ACTN4: variants seen among roughly 807,000 people sequenced by gnomAD.
The protein encoded by ACTN4 is actinin alpha 4, also known as alpha-actinin-4.
In ACTN4, 18 loss-of-function variants were observed where a neutral mutation model predicts 114.2. The ratio of observed to expected loss-of-function variants is 0.16; its 90% confidence interval spans 0.11 to 0.23. The LOEUF (loss-of-function observed/expected upper bound fraction) is 0.23. ACTN4 is among the 10% of genes least tolerant of loss of function. The pLI is 1.00. For missense variants in ACTN4, 722 were observed against 1,262.9 expected (o/e 0.57, Z 6.49); for synonymous variants, 515 against 506.3 (o/e 1.02, Z -0.23).
Position 38,662,714 on chromosome 19 carries a change from G to A in ACTN4, c.162+14807G>A, listed in dbSNP as rs538155033. Among the ~76,000 whole-genome samples, 18 of 152,344 alleles carry A rather than the reference G, an allele frequency of 1.2e-4. No individual in the cohort carries two copies. In the South Asian group the frequency reaches 3.7e-3, roughly 32 times the overall value. Reference sequence around the variant, plus strand: ...CCCCACGTTTGGGACACAGCTGTAAGTTTCCATGGTGGGTGGCTTATTATG... The same window carrying A: ...CCCCACGTTTGGGACACAGCTGTAAATTTCCATGGTGGGTGGCTTATTATG... On this transcript the variant is annotated intron_variant, in intron 1 of 20. Coordinates refer to ENST00000252699, the MANE Select transcript of ACTN4 (RefSeq NM_004924.6).
chr19:38,709,390 T>C lies in ACTN4; in HGVS notation c.652-5T>C. ...TTCTTGTTGTCCCCACTTGCCTCCTTCTAGGACGACCCTGTCACCAACCTG... is the reference window on the plus strand; with the variant it reads ...TTCTTGTTGTCCCCACTTGCCTCCTCCTAGGACGACCCTGTCACCAACCTG... On this transcript the variant is annotated splice_polypyrimidine_tract_variant and splice_region_variant and intron_variant, in intron 6 of 20. Transcript: ENST00000252699. 1 of 1,613,376 alleles carries C rather than the reference T, an allele frequency of 6.2e-7. No individual in the cohort carries two copies. Among genetic ancestry groups the C allele is most frequent in the Admixed American group, 1.7e-5 (1 of 60,014 alleles).
intron 1 of ACTN4, among the ~76,000 whole-genome samples, chr19:38,682,313 T>C (rs976038706): frequency 6.6e-6 from 1 of 152,154 alleles, no homozygotes; most frequent in Non-Finnish European, 1.5e-5. Context: ...GTGCTGGGAT[T>C]ACGGGTGTGA....
intron 1 of ACTN4, among the ~76,000 whole-genome samples, chr19:38,677,737 TC>T (rs1328825808): frequency 2.0e-5 from 3 of 152,226 alleles, no homozygotes; most frequent in African/African-American, 7.2e-5. Context: ...GCGATGCTTT[TC>T]TTTTTTTTCT....
At chr19:38,662,141 C>T (rs1976906616) in intron 1 of ACTN4, among the ~76,000 whole-genome samples, 1 of 152,178 alleles carries the variant, frequency 6.6e-6, no homozygotes, top group South Asian at 2.1e-4. Flanking sequence ...TCACTGGAAA[C>T]CAGTCCAGGA....
intron 1 of ACTN4, among the ~76,000 whole-genome samples, chr19:38,658,949 G>GT (rs1424098434): frequency 1.3e-5 from 2 of 152,042 alleles, no homozygotes; most frequent in African/African-American, 4.8e-5. Context: ...ACCCGACACT[G>GT]TGTCTCATGG....
intron 8 of ACTN4, 32 bp downstream of exon 8, chr19:38,710,374 C>T (rs767801564): frequency 1.2e-6 from 2 of 1,604,618 alleles, no homozygotes; most frequent in Admixed American, 3.3e-5. Flanking sequence ...GCCCTCCTCG[C>T]CGCCACCGCG....
chr19:38,674,260 A>C (rs772579029), intron 1 of ACTN4, among the ~76,000 whole-genome samples: 12 of 152,144 alleles, frequency 7.9e-5, no homozygotes, highest in Non-Finnish European at 1.5e-4. Context: ...AGGAGGACCC[A>C]GGGTTGTGGG....
intron 1 of ACTN4, among the ~76,000 whole-genome samples, chr19:38,663,637 C>T (rs1036720249): frequency 5.3e-5 from 8 of 152,220 alleles, no homozygotes; most frequent in Non-Finnish European, 1.5e-5. Context: ...GGGGGTCCGG[C>T]GTGCAATCGA....
intron 1 of ACTN4, among the ~76,000 whole-genome samples, chr19:38,683,004 G>C (rs534975081): frequency 6.6e-6 from 1 of 152,216 alleles, no homozygotes; most frequent in African/African-American, 2.4e-5. Context: ...TAGACTGTAA[G>C]TTGCATGAGG....
At chr19:38,726,233 A>C (rs1189586745) in intron 17 of ACTN4, among the ~76,000 whole-genome samples, 2 of 150,234 alleles carry the variant, frequency 1.3e-5, no homozygotes, top group Non-Finnish European at 3.0e-5. Context: ...GGTTGAGGTG[A>C]GCCGAGGTCA....
Position 38,726,904 on chromosome 19 carries a change from G to A in ACTN4, c.2191-53G>A, listed in dbSNP as rs1321744016. The A allele has an allele frequency of 4.3e-6, 7 of 1,610,574 alleles. No homozygotes were observed. The Admixed American group carries it at 8.3e-5, about 19-fold the overall frequency. The stretch of plus-strand genomic sequence containing the variant: ...CACAGTCCTCCACGTGTGAACCACG[G>A]TGAGGACAGTTCACAGCACCCGGCC... On this transcript the variant is annotated intron_variant, in intron 17 of 20. Transcript: ENST00000252699.
rs1399193238 is a variant in ACTN4, at chr19:38,730,017, C to G, written c.*585C>G. On this transcript the variant is annotated 3_prime_UTR_variant, in exon 21 of 21. Transcript: ENST00000252699. ...AGCTGAGTTGGCAGACCGGGCCCCC[C>G]TGAACCGCACCCCATCCCACCAGCC... The G allele has an allele frequency of 7.8e-6, 2 of 257,064 alleles. No individual in the cohort carries two copies. The highest frequency in any genetic ancestry group is 2.3e-5 in the African/African-American group (1 of 43,722). The allele number at this position is 257,064 out of a possible 1,614,324, so 15.9% of individuals were successfully genotyped here. A position where few individuals can be genotyped will look rare whatever the true frequency, so the allele number is the denominator to read the frequency against.
At chr19:38,697,610 C>T (rs188504415) in intron 1 of ACTN4, among the ~76,000 whole-genome samples, 4 of 152,370 alleles carry the variant, frequency 2.6e-5, no homozygotes, top group Admixed American at 1.3e-4. Flanking sequence ...CCCTGCAGAG[C>T]CTGCAGGAGC....
At chr19:38,696,061 G>A (rs952179374) in intron 1 of ACTN4, among the ~76,000 whole-genome samples, 9 of 152,162 alleles carry the variant, frequency 5.9e-5, no homozygotes, top group African/African-American at 9.7e-5. Context: ...GATTACGAGG[G>A]TGACAGAATT....
At chr19:38,701,296 C>G (rs1968267720) in intron 3 of ACTN4, among the ~76,000 whole-genome samples, 175 bp downstream of exon 3, 1 of 152,142 alleles carries the variant, frequency 6.6e-6, no homozygotes, top group Admixed American at 6.5e-5. Flanking sequence ...TGATGCTGGG[C>G]CCACAAGCTC....
At chr19:38,719,285 C>A (rs1968954106) in intron 11 of ACTN4, among the ~76,000 whole-genome samples, 1 of 152,238 alleles carries the variant, frequency 6.6e-6, no homozygotes, top group African/African-American at 2.4e-5. Flanking sequence ...CTCCCTGGCC[C>A]TCCGGCCGCC....
intron 7 of ACTN4, 34 bp from the exon 8 acceptor site, chr19:38,710,223 C>T (rs765690314): frequency 1.3e-4 from 205 of 1,610,872 alleles, no homozygotes; most frequent in Non-Finnish European, 1.7e-4. Context: ...CCCCGCCCTA[C>T]TCGGGCAGTT....
chr19:38,653,780 T>C (rs1057250128), intron 1 of ACTN4, among the ~76,000 whole-genome samples: 1 of 152,328 alleles, frequency 6.6e-6, no homozygotes, highest in South Asian at 2.1e-4. Flanking sequence ...CCTCCGTTTC[T>C]TTTTTTATGG....
At position 38,729,310 on chromosome 19, in the gene ACTN4, C is replaced by T. The variant is rs754917308; in HGVS notation, c.2614C>T (p.Pro872Ser). Residue 872 changes from proline to serine, a missense_variant, in exon 21 of 21, where the codon CCC becomes TCC. Pro to Ser is a moderately conservative substitution (Grantham distance 74). Transcript: ENST00000252699. ...ITAEELRREL[P>S]PDQAEYCIAR... Reference sequence around the variant, plus strand: ...AGCTGAGGAGCTGCGGAGAGAGCTGCCCCCCGACCAGGCCGAGTACTGCAT... The same window carrying T: ...AGCTGAGGAGCTGCGGAGAGAGCTGTCCCCCGACCAGGCCGAGTACTGCAT... The T allele has an allele frequency of 1.9e-6, 3 of 1,612,726 alleles. No individual in the cohort carries two copies. Among genetic ancestry groups the T allele is most frequent in the East Asian group, 2.2e-5 (1 of 44,876 alleles).
Sources: gnomAD v4.1 joint callset for allele counts (sites outside exome capture counted in the v4.1 genomes callset) on GRCh38, gnomAD v4.1.1 for gene constraint, MANE v1.5 for transcripts, NCBI Gene and HGNC (gene_info 2026-07-23, HGNC 2026-07-21) for gene names.